The following CLIC5 variants were observed in gnomAD, a reference collection of about 807,000 sequenced individuals.
CLIC5 encodes CLIC family member 5, also known as chloride intracellular channel protein 5.
Under a neutral mutation model 24.7 loss-of-function variants are expected in CLIC5, and 20 were observed. The observed-to-expected ratio is 0.81, with a 90% CI of 0.57 to 1.18. The LOEUF (loss-of-function observed/expected upper bound fraction) is 1.18, where lower values mean the gene tolerates loss of function less well. Ranked by LOEUF, CLIC5 falls within the 50% of genes most tolerant of loss-of-function variation. The pLI, the probability that CLIC5 is intolerant of heterozygous loss-of-function variation, is 0.00. For synonymous variants in CLIC5, 159 were observed against 135.6 expected (o/e 1.17, Z -1.20); for missense variants, 341 against 326.1 (o/e 1.05, Z -0.35).
At chr6:46,105,006 G>C in the CLIC5 span, among the ~76,000 whole-genome samples, 1 of 152,122 alleles carries the variant, frequency 6.6e-6, no homozygotes, top group East Asian at 1.9e-4. Context: ...TGTGACTTTT[G>C]GCTTTTGGGA....
At chr6:45,972,873 T>C (rs1259241081) in intron 1 of CLIC5, among the ~76,000 whole-genome samples, 4 of 152,208 alleles carry the variant, frequency 2.6e-5, no homozygotes, top group African/African-American at 9.7e-5. Flanking sequence ...ACATAATTCT[T>C]GGTTAGGAAA....
intron 1 of CLIC5, among the ~76,000 whole-genome samples, chr6:45,983,659 AAG>A (rs1765637225): frequency 6.7e-6 from 1 of 149,460 alleles, no homozygotes; most frequent in African/African-American, 2.6e-5. Context: ...TGCCTGTGTA[AAG>A]AGAGAATATA....
At chr6:45,922,797 AGAAG>A (rs1763314696) in intron 4 of CLIC5, among the ~76,000 whole-genome samples, 1 of 138,702 alleles carries the variant, frequency 7.2e-6, no homozygotes, top group African/African-American at 2.6e-5. Flanking sequence ...TATCAACAGG[AGAAG>A]GGAGGAAGAG....
chr6:45,979,960 T>C (rs1394441637), intron 1 of CLIC5, among the ~76,000 whole-genome samples: 1 of 149,164 alleles, frequency 6.7e-6, no homozygotes, highest in Non-Finnish European at 1.5e-5. Flanking sequence ...ACTTTTTTTT[T>C]TTTTTTTTTT....
rs761159187 is a variant in CLIC5, at chr6:46,061,026, T to C, written c.540+18677A>G. On this transcript the variant is annotated intron_variant, in intron 1 of 5. Transcript: ENST00000185206. ...CGGGTTCTATAAAGATTTATCAACC[T>C]GTTGATTTGACATATTAAAGAGAGA... is the stretch of plus-strand genomic sequence containing the variant. Among the ~76,000 whole-genome samples, 4 of 152,334 alleles carry C rather than the reference T, an allele frequency of 2.6e-5. No individual in the cohort carries two copies. In the South Asian group the frequency reaches 6.2e-4, roughly 24 times the overall value.
At chr6:46,026,555 G>A (rs1049097168) in intron 1 of CLIC5, among the ~76,000 whole-genome samples, 1 of 152,066 alleles carries the variant, frequency 6.6e-6, no homozygotes, top group South Asian at 2.1e-4. Context: ...CATAAAACTT[G>A]GTTGACAGAA....
intron 5 of CLIC5, among the ~76,000 whole-genome samples, chr6:45,904,063 A>G (rs1000887471): frequency 1.3e-5 from 2 of 152,212 alleles, no homozygotes; most frequent in Admixed American, 6.5e-5. Flanking sequence ...TGAGAGAAAC[A>G]AGAGCAAAGT....
intron 3 of CLIC5, among the ~76,000 whole-genome samples, chr6:45,942,767 T>A (rs1764176079): frequency 6.6e-6 from 1 of 152,248 alleles, no homozygotes; most frequent in African/African-American, 2.4e-5. Context: ...TTGGGGCCCC[T>A]TTTGGGGCCA....
At chr6:45,968,116 G>A (rs79991190) in intron 1 of CLIC5, among the ~76,000 whole-genome samples, 2,502 of 152,232 alleles carry the variant, frequency 0.016, 30 homozygotes, top group South Asian at 0.031. Flanking sequence ...CCTAGTCACA[G>A]GCAAAGCCAT....
the CLIC5 span, among the ~76,000 whole-genome samples, chr6:46,107,778 G>A: frequency 2.0e-5 from 3 of 152,140 alleles, no homozygotes; most frequent in African/African-American, 7.2e-5. Context: ...GCTCACGCCT[G>A]TAATCCCAGC....
At chr6:45,965,694 C>T (rs1347793176) in intron 1 of CLIC5, among the ~76,000 whole-genome samples, 1 of 152,160 alleles carries the variant, frequency 6.6e-6, no homozygotes, top group African/African-American at 2.4e-5. Context: ...GAAGAGGTCT[C>T]CTCACTTAAG....
intron 4 of CLIC5, among the ~76,000 whole-genome samples, chr6:45,939,995 T>C (rs1185481560): frequency 1.3e-5 from 2 of 152,166 alleles, no homozygotes; most frequent in South Asian, 2.1e-4. Flanking sequence ...ACTCTCTTTC[T>C]AGTTTCTTGA....
At chr6:45,928,349 T>G (rs1763583520) in intron 4 of CLIC5, among the ~76,000 whole-genome samples, 1 of 152,248 alleles carries the variant, frequency 6.6e-6, no homozygotes, top group South Asian at 2.1e-4. Flanking sequence ...CTTGTCATTT[T>G]CAGCCCCAGC....
chr6:45,957,309 T>G (rs937427309), intron 1 of CLIC5, among the ~76,000 whole-genome samples: 1 of 152,184 alleles, frequency 6.6e-6, no homozygotes, highest in Non-Finnish European at 1.5e-5. Flanking sequence ...ACATATGTTA[T>G]TAACTTGTTT....
rs148582268 is a variant in CLIC5 at position 45,882,820 on chromosome 6, C to T, written c.624-1632G>A. Among the ~76,000 whole-genome samples, 252 of 152,348 alleles carry T rather than the reference C, an allele frequency of 1.7e-3. 2 individuals are homozygous for T. Among genetic ancestry groups the T allele is most frequent in the Middle Eastern group, 0.014 (4 of 294 alleles). On this transcript the variant is annotated intron_variant, in intron 6 of 6. Coordinates refer to the CLIC5 transcript ENST00000644324. ...GTGGTAAATGTTTAACTCCCTCATT[C>T]ATTCATGTACTGTTCATTCTTCAGT...
chr6:46,049,068 T>C (rs1263773781), intron 1 of CLIC5, among the ~76,000 whole-genome samples: 1 of 152,182 alleles, frequency 6.6e-6, no homozygotes, highest in Non-Finnish European at 1.5e-5. Flanking sequence ...ACTACTAGGG[T>C]AAGGCAGATT....
intron 1 of CLIC5, among the ~76,000 whole-genome samples, chr6:46,008,458 G>A (rs1766671619): frequency 6.6e-6 from 1 of 152,118 alleles, no homozygotes; most frequent in Non-Finnish European, 1.5e-5. Context: ...TTGCATTCCT[G>A]TCACTCATGT....
At chr6:46,096,882 G>C in the CLIC5 span, among the ~76,000 whole-genome samples, 5 of 152,296 alleles carry the variant, frequency 3.3e-5, no homozygotes, top group East Asian at 7.7e-4. Flanking sequence ...CAAATCTATA[G>C]TTTGTTAAAA....
chr6:45,908,089 G>C (rs191129345), intron 5 of CLIC5, among the ~76,000 whole-genome samples: 132 of 152,222 alleles, frequency 8.7e-4, no homozygotes, highest in Non-Finnish European at 1.2e-3. Flanking sequence ...AGGATCTTCT[G>C]TATTTCTGTG....
Sources: allele counts gnomAD v4.1 joint callset (sites outside exome capture counted in the v4.1 genomes callset), GRCh38; gene constraint gnomAD v4.1.1; transcripts MANE v1.5; gene names NCBI Gene and HGNC (gene_info 2026-07-23, HGNC 2026-07-21).